The following CEACAM7 variants were observed in gnomAD, a reference collection of about 807,000 sequenced individuals.
CEACAM7 encodes the protein cell adhesion molecule CEACAM7.
In CEACAM7, 24 loss-of-function variants were observed where a neutral mutation model predicts 25.7. The ratio of observed to expected loss-of-function variants is 0.93; its 90% CI spans 0.68 to 1.31. The LOEUF (loss-of-function observed/expected upper bound fraction) is 1.31, where lower values mean the gene tolerates loss of function less well. CEACAM7 is among the 40% of genes most tolerant of loss of function. The pLI, the probability that CEACAM7 is intolerant of heterozygous loss-of-function variation, is 0.00. For synonymous variants in CEACAM7, 144 were observed against 129.4 expected (o/e 1.11, Z -0.77); for missense variants, 324 against 330.1 (o/e 0.98, Z 0.14).
intron 3 of CEACAM7, among the ~76,000 whole-genome samples, chr19:41,678,837 T>C (rs577239766): frequency 3.3e-5 from 5 of 152,072 alleles, no homozygotes; most frequent in Admixed American, 6.5e-5. Context: ...ACAGGCACTC[T>C]TATTGCAATT....
chr19:41,684,078 G>A lies in CEACAM7; in HGVS notation c.428-15C>T. 6.2e-7 allele frequency: 1 copy of A among 1,604,246 alleles called. No homozygotes were observed. Among genetic ancestry groups the A allele is most frequent in the South Asian group, 1.1e-5 (1 of 90,618 alleles). ...GGGTGGCTCCGCTGTGCAGATAAGA[G>A]AGAGAAAAGATTGCCCTGTGTGGCC... On this transcript the variant is annotated splice_polypyrimidine_tract_variant and intron_variant, in intron 2 of 4. Transcript: ENST00000401731.
At position 41,687,119 on chromosome 19, in the gene CEACAM7, T is replaced by C; in HGVS notation, c.167A>G (p.His56Arg). 1.9e-6 allele frequency: 3 copies of C among 1,614,178 alleles called. No individual in the cohort carries two copies. Among genetic ancestry groups the C allele is most frequent in the Non-Finnish European group, 2.5e-6 (3 of 1,180,020 alleles). ...GCCATAAAGATTCTGGGACTCATTA[T>C]GGACTACTAGAAGGACCTCCTTCCC... The part of the protein sequence containing the change: ...AEGKEVLLVV[H>R]NESQNLYGYN... The change falls in exon 2 of 5, where the codon CAT (histidine) becomes CGT (arginine). Residue 56 changes from histidine (H) to arginine (R), a missense_variant. His to Arg is a conservative substitution (Grantham distance 29). Coordinates refer to ENST00000401731, the MANE Select transcript of CEACAM7 (RefSeq NM_001291485.2).
intron 3 of CEACAM7, among the ~76,000 whole-genome samples, chr19:41,682,018 T>C (rs1308414379): frequency 1.3e-5 from 2 of 152,180 alleles, no homozygotes; most frequent in Non-Finnish European, 2.9e-5. Context: ...CAATCAAGGC[T>C]CACTGGAGCC....
chr19:41,677,357 G>A lies in CEACAM7; in HGVS notation c.*36+19C>T. On this transcript the variant is annotated intron_variant, in intron 4 of 4. Coordinates refer to ENST00000401731, the MANE Select transcript of CEACAM7 (RefSeq NM_001291485.2). Reference sequence around the variant, plus strand: ...AGCCCTGCAGGAAATAGGATAAGAGGAAAGGTCATAATACCTACCACTCTT... The same window carrying A: ...AGCCCTGCAGGAAATAGGATAAGAGAAAAGGTCATAATACCTACCACTCTT... 7.5e-7 allele frequency: 1 copy of A among 1,325,488 alleles called. No homozygotes were observed. Among genetic ancestry groups the A allele is most frequent in the South Asian group, 1.2e-5 (1 of 84,712 alleles). The allele number at this position is 1,325,488 out of a possible 1,614,324, so 82.1% of individuals were successfully genotyped here.
chr19:41,686,841 C>A lies in CEACAM7; in HGVS notation c.427+18G>T. On this transcript the variant is annotated intron_variant, in intron 2 of 4. Transcript: ENST00000401731. ...GAACTGGCCCCCAGCACCCAGAAGT[C>A]ATGGAGGTATCACTCACAGAATACG... 6.6e-7 allele frequency: 1 copy of A among 1,521,514 alleles called. No homozygotes were observed. Among genetic ancestry groups the A allele is most frequent in the Non-Finnish European group, 8.8e-7 (1 of 1,137,574 alleles). The allele number at this position is 1,521,514 out of a possible 1,614,324, so 94.3% of individuals were successfully genotyped here. A position where few individuals can be genotyped will look rare whatever the true frequency, so the allele number is the denominator to read the frequency against.
At chr19:41,685,620 G>A (rs191517911) in intron 2 of CEACAM7, among the ~76,000 whole-genome samples, 3 of 152,218 alleles carry the variant, frequency 2.0e-5, no homozygotes, top group African/African-American at 7.2e-5. Flanking sequence ...GCATGTGCAG[G>A]GTGTGAGTGG....
rs782404595 is a variant in CEACAM7, at chr19:41,687,171, C to G, written c.115G>C (p.Asp39His). The G allele has an allele frequency of 6.2e-7, 1 of 1,613,424 alleles. No homozygotes were observed. The highest frequency in any genetic ancestry group is 1.7e-5 in the Admixed American group (1 of 59,938). The change falls in exon 2 of 5, where the codon GAT (aspartate) becomes CAT (histidine). Residue 39 changes from aspartate (D) to histidine (H), a missense_variant. By Grantham distance (81) the Asp-to-His change is moderately conservative. Coordinates refer to ENST00000401731, the MANE Select transcript of CEACAM7 (RefSeq NM_001291485.2). ...NLPNSAQTNI[D>H]VVPFNVAEGK... The stretch of plus-strand genomic sequence containing the variant: ...TCTGCGACATTGAACGGCACGACAT[C>G]AATATTGGTCTGGGCACTGTTTGGC...
intron 3 of CEACAM7, among the ~76,000 whole-genome samples, chr19:41,677,826 A>AT (rs1387900432): frequency 1.3e-5 from 2 of 151,552 alleles, no homozygotes; most frequent in African/African-American, 4.9e-5. Flanking sequence ...TCATGGTTGC[A>AT]TTTTTTTTCT....
At chr19:41,681,284 T>C (rs1471188919) in intron 3 of CEACAM7, among the ~76,000 whole-genome samples, 1 of 152,150 alleles carries the variant, frequency 6.6e-6, no homozygotes, top group Non-Finnish European at 1.5e-5. Flanking sequence ...AAAACATGTA[T>C]TTTGAGGAGG....
chr19:41,677,373 T>C lies in CEACAM7; in HGVS notation c.*36+3A>G. 2 of 1,463,434 alleles carry C rather than the reference T, an allele frequency of 1.4e-6. No individual in the cohort carries two copies. Among genetic ancestry groups the C allele is most frequent in the Non-Finnish European group, 1.9e-6 (2 of 1,042,738 alleles). 90.7% of individuals were successfully genotyped at this position (1,463,434 alleles called of 1,614,324 possible). On this transcript the variant is annotated splice_donor_region_variant and intron_variant, in intron 4 of 4. Transcript: ENST00000401731. ...GGATAAGAGGAAAGGTCATAATACC[T>C]ACCACTCTTCCCGAAATGCAGAAAC...
chr19:41,675,232 G>A (rs2072102841), intron 4 of CEACAM7, among the ~76,000 whole-genome samples: 1 of 152,162 alleles, frequency 6.6e-6, no homozygotes, highest in South Asian at 2.1e-4. Flanking sequence ...TCATAACAAT[G>A]TGAACACCCA....
In CEACAM7 at chr19:41,687,123, C is replaced by T. The variant is rs2072236008; in HGVS notation, c.163G>A (p.Val55Ile). 1.2e-6 allele frequency: 2 copies of T among 1,614,100 alleles called. No homozygotes were observed. The highest frequency in any genetic ancestry group is 2.2e-5 in the South Asian group (2 of 91,074). ...VAEGKEVLLVVHNESQNLYGY... is the reference protein window; with the variant it reads ...VAEGKEVLLVIHNESQNLYGY... The stretch of plus-strand genomic sequence containing the variant: ...TAAAGATTCTGGGACTCATTATGGA[C>T]TACTAGAAGGACCTCCTTCCCTTCT... The change falls in exon 2 of 5, where the codon GTC becomes ATC. Residue 55 changes from valine (V) to isoleucine (I), a missense_variant. Coordinates refer to ENST00000401731, the MANE Select transcript of CEACAM7 (RefSeq NM_001291485.2).
Position 41,687,067 on chromosome 19 carries a change from C to T in CEACAM7, c.219G>A (p.Val73=), listed in dbSNP as rs1555811282. The T allele has an allele frequency of 6.2e-7, 1 of 1,614,088 alleles. No homozygotes were observed. Among genetic ancestry groups the T allele is most frequent in the Admixed American group, 1.7e-5 (1 of 60,014 alleles). ...ATCCTATAATTCGATAGTTGGCATGCACCCTTTCCCCTTTGTACCAGTTGT... is the reference window on the plus strand; with the variant it reads ...ATCCTATAATTCGATAGTTGGCATGTACCCTTTCCCCTTTGTACCAGTTGT... The part of the protein sequence containing the change: ...YGYNWYKGER[V]HANYRIIGYV... The change falls in exon 2 of 5, where the codon GTG becomes GTA. Residue 73 remains valine (V), a synonymous_variant. Coordinates refer to ENST00000401731, the MANE Select transcript of CEACAM7 (RefSeq NM_001291485.2).
At chr19:41,676,206 C>G (rs2072112361) in intron 4 of CEACAM7, among the ~76,000 whole-genome samples, 1 of 152,176 alleles carries the variant, frequency 6.6e-6, no homozygotes, top group African/African-American at 2.4e-5. Flanking sequence ...TGGTCCCACT[C>G]TAGACCATTA....
intron 3 of CEACAM7, among the ~76,000 whole-genome samples, chr19:41,683,147 G>A (rs1168679543): frequency 6.6e-6 from 1 of 152,210 alleles, no homozygotes; most frequent in Non-Finnish European, 1.5e-5. Flanking sequence ...ATGTACCACG[G>A]ACTGTGATCA....
chr19:41,681,217 A>G (rs547192668), intron 3 of CEACAM7, among the ~76,000 whole-genome samples: 16 of 152,342 alleles, frequency 1.1e-4, no homozygotes, highest in African/African-American at 3.4e-4. Context: ...AACCACAGTG[A>G]TACACCACCA....
Position 41,686,880 on chromosome 19 carries a change from T to G in CEACAM7, c.406A>C (p.Thr136Pro), listed in dbSNP as rs782174843. The part of the protein sequence containing the change: ...IKENLVNEEV[T>P]RQFYVFSEPP... ...TCACAGAATACGTAGAATTGTCTGG[T>G]TACTTCTTCATTCACAAGATTTTCT... The change falls in exon 2 of 5, where the codon ACC (threonine) becomes CCC (proline). Residue 136 changes from threonine (T) to proline (P), a missense_variant. Thr to Pro is a conservative substitution (Grantham distance 38). Transcript: ENST00000401731. 6.5e-6 allele frequency: 10 copies of G among 1,531,000 alleles called. No homozygotes were observed. In the Admixed American group the frequency reaches 2.1e-4, roughly 33 times the overall value. 94.8% of individuals were successfully genotyped at this position (1,531,000 alleles called of 1,614,324 possible).
Position 41,677,382 on chromosome 19 carries a change from T to G in CEACAM7, c.*30A>C. The G allele has an allele frequency of 3.3e-6, 5 of 1,533,302 alleles. No homozygotes were observed. The highest frequency in any genetic ancestry group is 1.7e-5 in the Admixed American group (1 of 59,890). 95.0% of individuals were successfully genotyped at this position (1,533,302 alleles called of 1,614,324 possible). On this transcript the variant is annotated 3_prime_UTR_variant, in exon 4 of 5. Transcript: ENST00000401731. The stretch of plus-strand genomic sequence containing the variant: ...GAAAGGTCATAATACCTACCACTCT[T>G]CCCGAAATGCAGAAACTACACCAAG...
intron 2 of CEACAM7, among the ~76,000 whole-genome samples, chr19:41,686,125 T>C (rs1047958928): frequency 6.6e-6 from 1 of 152,150 alleles, no homozygotes; most frequent in Non-Finnish European, 1.5e-5. Context: ...GAGTGGGTTA[T>C]TTGGACCTGA....
Sources: allele counts gnomAD v4.1 joint callset (sites outside exome capture counted in the v4.1 genomes callset), GRCh38; gene constraint gnomAD v4.1.1; transcripts MANE v1.5; gene names NCBI Gene and HGNC (gene_info 2026-07-23, HGNC 2026-07-21).